NAA35: variants seen among roughly 807,000 people sequenced by gnomAD.
NAA35 encodes N-alpha-acetyltransferase 35, NatC auxiliary subunit.
In NAA35, 18 loss-of-function variants were observed where a neutral mutation model predicts 101.7. The observed-to-expected ratio is 0.18, with a 90% CI of 0.12 to 0.26. The LOEUF is 0.26. Among genes scored for constraint, NAA35 ranks in the 10% least tolerant of loss-of-function variants. The pLI is 1.00. For synonymous variants in NAA35, 267 were observed against 273.1 expected, an observed-to-expected ratio of 0.98 and a Z score of 0.22; for missense variants, 601 against 886.8, an observed-to-expected ratio of 0.68 and a Z score of 4.09.
At chr9:86,003,670 C>T (rs1057096986) in intron 13 of NAA35, 26 bp downstream of exon 13, 1 of 1,375,288 alleles carries the variant, frequency 7.3e-7, no homozygotes, top group Admixed American at 1.8e-5. Context: ...TATCAAAATA[C>T]TTATTTAAAC....
intron 17 of NAA35, among the ~76,000 whole-genome samples, chr9:86,014,567 T>A (rs1832108741): frequency 6.6e-6 from 1 of 152,232 alleles, no homozygotes; most frequent in Non-Finnish European, 1.5e-5. Context: ...CCTGTGTTAC[T>A]CATCACAAAC....
In NAA35 at chr9:85,970,224, G is replaced by A. The variant is rs879784560; in HGVS notation, c.517-4743G>A. 5.8e-4 allele frequency among the ~76,000 whole-genome samples: 88 copies of A among 152,162 alleles called. 2 individuals are homozygous for A. The highest frequency in any genetic ancestry group is 1.2e-3 in the Non-Finnish European group (81 of 68,018). On this transcript the variant is annotated intron_variant, in intron 6 of 22. Transcript: ENST00000361671. ...ATTTAGTGTTCTAGTGGCCATGGGT[G>A]AAAATAATTTTAATGCTATATTTTA...
At chr9:85,963,621 G>A (rs192213023) in intron 6 of NAA35, among the ~76,000 whole-genome samples, 13 of 152,058 alleles carry the variant, frequency 8.5e-5, no homozygotes, top group African/African-American at 3.1e-4. Flanking sequence ...ACAGTTGGTG[G>A]TTATTTACAT....
In NAA35 at chr9:86,007,403, A is replaced by G; in HGVS notation, c.1162A>G (p.Met388Val). 7 of 1,613,754 alleles carry G rather than the reference A, an allele frequency of 4.3e-6. No homozygotes were observed. The highest frequency in any genetic ancestry group is 5.9e-6 in the Non-Finnish European group (7 of 1,179,708). The change falls in exon 14 of 23, where the codon ATG becomes GTG. Residue 388 changes from methionine to valine, a missense_variant. Physicochemically the swap from Met to Val is conservative, Grantham distance 21. This residue lies in a region of NAA35 where 190 missense variants were observed against 223.1 expected (regional missense o/e 0.85). Coordinates refer to ENST00000361671, the MANE Select transcript of NAA35 (RefSeq NM_024635.4). ...CAAAAAGGTCTTTGGAACTCATCTC[A>G]TGCAAGACATGGTGAAAGATGCACT... is the stretch of plus-strand genomic sequence containing the variant. ...DNKKVFGTHL[M>V]QDMVKDALRS... is the part of the protein sequence containing the mutation.
intron 11 of NAA35, among the ~76,000 whole-genome samples, chr9:85,985,506 G>A (rs543301846): frequency 6.6e-6 from 1 of 152,328 alleles, no homozygotes; most frequent in Admixed American, 6.5e-5. Context: ...TGTATTGTAT[G>A]ATTTCCATTT....
Position 86,020,877 on chromosome 9 carries a change from T to C in NAA35, c.2038-12T>C. On this transcript the variant is annotated splice_polypyrimidine_tract_variant and intron_variant, in intron 21 of 22. Transcript: ENST00000361671. ...AAGTTAATGTTTCAGTAGTTTTATG[T>C]TCATGTTTCAGGTTAATAGAATTTT... 1 of 1,598,170 alleles carries C rather than the reference T, an allele frequency of 6.3e-7. No homozygotes were observed. The highest frequency in any genetic ancestry group is 2.2e-5 in the East Asian group (1 of 44,718).
intron 20 of NAA35, 99 bp from the exon 21 acceptor site, chr9:86,018,600 G>A: frequency 6.8e-7 from 1 of 1,468,956 alleles, no homozygotes; most frequent in Admixed American, 2.0e-5. Flanking sequence ...GTCTGTGTAT[G>A]AGTGGATAGA....
intron 11 of NAA35, among the ~76,000 whole-genome samples, chr9:85,980,829 C>A (rs1346144420): frequency 6.6e-6 from 1 of 152,046 alleles, no homozygotes; most frequent in Admixed American, 6.6e-5. Context: ...CATTTATATC[C>A]TTTTTTCGCC....
Position 85,956,346 on chromosome 9 carries a change from CT to C in NAA35, c.125-3del, listed in dbSNP as rs374157527. The C allele has an allele frequency of 0.065, 62,500 of 965,108 alleles. 210 individuals are homozygous for C. The highest frequency in any genetic ancestry group is 0.072 in the South Asian group (3,580 of 49,618). The allele number at this position is 965,108 out of a possible 1,614,324, so 59.8% of individuals were successfully genotyped here. A position where few individuals can be genotyped will look rare whatever the true frequency, so the allele number is the denominator to read the frequency against. ...ATAAATATGTTCAAAGGGTTTTTCT[CT>C]TTTTTTTTTTAGAATTAAAGTTGGG... On this transcript the variant is annotated splice_polypyrimidine_tract_variant and intron_variant, in intron 2 of 22. Transcript: ENST00000361671.
chr9:86,024,608 C>T lies in NAA35; in HGVS notation c.*2648C>T, dbSNP rs1185658271. 2.0e-5 allele frequency among the ~76,000 whole-genome samples: 3 copies of T among 152,122 alleles called. No individual in the cohort carries two copies. The highest frequency in any genetic ancestry group is 4.8e-5 in the African/African-American group (2 of 41,416). ...ATGAAATCAAATGTTTTCAGAGGTA[C>T]AGCTAATGGGACATGGTGAATGAGA... On this transcript the variant is annotated 3_prime_UTR_variant, in exon 23 of 23. Transcript: ENST00000361671.
intron 5 of NAA35, among the ~76,000 whole-genome samples, chr9:85,960,160 T>C (rs1041075422): frequency 6.6e-6 from 1 of 152,238 alleles, no homozygotes; most frequent in Non-Finnish European, 1.5e-5. Context: ...AAGTCTGTAA[T>C]TGGAAGGTTT....
At chr9:85,966,480 GT>G in intron 6 of NAA35, 1 of 369,104 alleles carries the variant, frequency 2.7e-6, no homozygotes, top group Non-Finnish European at 4.7e-6. Flanking sequence ...GTTATCGAAT[GT>G]TTATAACACC....
chr9:85,956,667 A>G (rs1554769407), intron 3 of NAA35, among the ~76,000 whole-genome samples: 1 of 152,214 alleles, frequency 6.6e-6, no homozygotes, highest in Non-Finnish European at 1.5e-5. Context: ...AATAAAAGAT[A>G]TCAGTTGTAT....
intron 5 of NAA35, among the ~76,000 whole-genome samples, chr9:85,960,707 G>A (rs1829477357): frequency 6.6e-6 from 1 of 152,146 alleles, no homozygotes; most frequent in Non-Finnish European, 1.5e-5. Context: ...GTAAAGAAAG[G>A]AGTCAAAGGA....
intron 12 of NAA35, among the ~76,000 whole-genome samples, chr9:85,999,376 A>C (rs1242195440): frequency 6.6e-6 from 1 of 152,234 alleles, no homozygotes; most frequent in East Asian, 1.9e-4. Flanking sequence ...AGTAAAATCA[A>C]CCTGTAAACC....
chr9:85,997,721 C>T (rs1831227147), intron 12 of NAA35, among the ~76,000 whole-genome samples: 1 of 152,196 alleles, frequency 6.6e-6, no homozygotes, highest in African/African-American at 2.4e-5. Flanking sequence ...TGGGCTCAAG[C>T]AATCCTTCCA....
In NAA35 at chr9:86,022,480, G is replaced by A. The variant is rs1832609590; in HGVS notation, c.*520G>A. Among the ~76,000 whole-genome samples the A allele has an allele frequency of 6.6e-6, 1 of 151,692 alleles. No individual in the cohort carries two copies. Among genetic ancestry groups the A allele is most frequent in the Admixed American group, 6.6e-5 (1 of 15,224 alleles). ...ACATTTAGAAGGGATTTTTGGGAGG[G>A]CCTCTAAATTACATGAAAATTGTGA... is the stretch of plus-strand genomic sequence containing the variant. On this transcript the variant is annotated 3_prime_UTR_variant, in exon 23 of 23. Transcript: ENST00000361671.
intron 19 of NAA35, 114 bp downstream of exon 19, chr9:86,017,679 T>C: frequency 2.3e-6 from 2 of 863,956 alleles, no homozygotes. Flanking sequence ...TTTGTTTTAC[T>C]TCCTGTCTGC....
chr9:85,959,958 TGAAA>T, intron 5 of NAA35, 91 bp downstream of exon 5: 2 of 880,014 alleles, frequency 2.3e-6, no homozygotes, highest in Non-Finnish European at 3.6e-6. Flanking sequence ...ATGTTGAGTA[TGAAA>T]TAAATGTAAT....
Sources: gnomAD v4.1 joint callset for allele counts (sites outside exome capture counted in the v4.1 genomes callset) on GRCh38, gnomAD v4.1.1 for gene constraint, gnomAD v4.1.1 regional missense constraint, MANE v1.5 for transcripts, NCBI Gene and HGNC (gene_info 2026-07-23, HGNC 2026-07-21) for gene names.